BIK: variants seen among roughly 807,000 people sequenced by gnomAD.
BIK encodes the protein BCL2 interacting killer.
A neutral mutation model predicts 12.1 loss-of-function variants in BIK; 14 were observed. That is an observed-to-expected ratio of 1.16 (90% CI 0.77 to 1.81). The LOEUF (loss-of-function observed/expected upper bound fraction) is 1.81, where lower values mean the gene tolerates loss of function less well. Ranked by LOEUF, BIK falls within the 40% of genes most tolerant of loss-of-function variation. The pLI is 0.00. For synonymous variants in BIK, 86 were observed against 92.3 expected, an observed-to-expected ratio of 0.93 and a Z score of 0.39; for missense variants, 215 against 207.9, an observed-to-expected ratio of 1.03 and a Z score of -0.21.
chr22:43,120,168 G>T (rs1391660367), intron 1 of BIK, among the ~76,000 whole-genome samples: 1 of 152,052 alleles, frequency 6.6e-6, no homozygotes, highest in Non-Finnish European at 1.5e-5. Context: ...CAGGGGGAGG[G>T]CCTGTTAGTG....
chr22:43,128,448 C>T (rs1435102755), intron 3 of BIK, 48 bp from the exon 4 acceptor site: 2 of 1,601,576 alleles, frequency 1.2e-6, no homozygotes, highest in South Asian at 1.1e-5. Flanking sequence ...GCTGCCCCTA[C>T]CTGCTCCTGC....
At position 43,126,961 on chromosome 22, in the gene BIK, C is replaced by G. The variant is rs368867723; in HGVS notation, c.162-736C>G. Reference sequence around the variant, plus strand: ...GGTGGGTGGGGCCAGGGCCCAGGGCCGGCCTCAGCTCAGGGCCCCTAGGAG... The same window carrying G: ...GGTGGGTGGGGCCAGGGCCCAGGGCGGGCCTCAGCTCAGGGCCCCTAGGAG... On this transcript the variant is annotated intron_variant, in intron 2 of 4. Coordinates refer to ENST00000216115, the MANE Select transcript of BIK (RefSeq NM_001197.5). Among the ~76,000 whole-genome samples, 17 of 152,238 alleles carry G rather than the reference C, an allele frequency of 1.1e-4. 1 individual carries two copies. Among genetic ancestry groups the G allele is most frequent in the African/African-American group, 4.1e-4 (17 of 41,552 alleles).
At position 43,116,443 on chromosome 22, in the gene BIK, T is replaced by C. The variant is rs1363135083; in HGVS notation, c.-8+5640T>C. ...CAAAAGGCTAAGCTGTGACGTTGGG[T>C]AGGTTACATGTATTAAATGCATTTT... On this transcript the variant is annotated intron_variant, in intron 1 of 4. Transcript: ENST00000216115. 2.0e-5 allele frequency among the ~76,000 whole-genome samples: 3 copies of C among 150,724 alleles called. No individual in the cohort carries two copies. In the Admixed American group the frequency reaches 2.0e-4, roughly 10 times the overall value.
rs188271449 is a variant in BIK at position 43,124,146 on chromosome 22, A to C, written c.124A>C (p.Met42Leu). 1.5e-5 allele frequency: 24 copies of C among 1,614,074 alleles called. No individual in the cohort carries two copies. The African/African-American group carries it at 3.2e-4, about 22-fold the overall frequency. The change falls in exon 2 of 5, where the codon ATG becomes CTG. Residue 42 changes from methionine (M) to leucine (L), a missense_variant. Transcript: ENST00000216115. ...MTDSEEDLDP[M>L]EDFDSLECME... is the part of the protein sequence containing the mutation. The stretch of plus-strand genomic sequence containing the variant: ...TGACTCTGAAGAGGACCTGGACCCT[A>C]TGGAGGACTTCGATTCTTTGGAATG...
intron 2 of BIK, 83 bp downstream of exon 2, chr22:43,124,266 G>C: frequency 6.6e-7 from 1 of 1,506,728 alleles, no homozygotes; most frequent in Non-Finnish European, 9.0e-7. Flanking sequence ...TATGAGCGGG[G>C]GAGCGCCTGC....
intron 1 of BIK, among the ~76,000 whole-genome samples, chr22:43,121,843 C>T (rs762982135): frequency 2.5e-4 from 38 of 152,202 alleles, no homozygotes; most frequent in Admixed American, 4.6e-4. Flanking sequence ...CAGAATCTAG[C>T]TCTGCCTCCC....
chr22:43,127,353 T>A (rs1490401979), intron 2 of BIK, among the ~76,000 whole-genome samples: 1 of 152,028 alleles, frequency 6.6e-6, no homozygotes. Flanking sequence ...CCATTCCCCT[T>A]GGTCAGCCTC....
intron 3 of BIK, 104 bp from the exon 4 acceptor site, chr22:43,128,392 A>C (rs1930364239): frequency 2.1e-6 from 3 of 1,434,048 alleles, no homozygotes; most frequent in Admixed American, 1.8e-5. Context: ...GTGGGAGGGC[A>C]CAGGCCCCTG....
intron 1 of BIK, among the ~76,000 whole-genome samples, chr22:43,121,644 A>G (rs1930221900): frequency 6.6e-6 from 1 of 151,772 alleles, no homozygotes; most frequent in Admixed American, 6.6e-5. Context: ...TTTCGAGGGG[A>G]AGGGAAAGGG....
chr22:43,117,281 C>T (rs1314508786), intron 1 of BIK, among the ~76,000 whole-genome samples: 2 of 151,778 alleles, frequency 1.3e-5, no homozygotes, highest in Admixed American at 1.3e-4. Flanking sequence ...ACTAGCTACA[C>T]ATCAGTGTTT....
At position 43,124,130 on chromosome 22, in the gene BIK, A is replaced by G. The variant is rs1930269290; in HGVS notation, c.108A>G (p.Glu36=). The G allele has an allele frequency of 3.7e-6, 6 of 1,614,188 alleles. No homozygotes were observed. The highest frequency in any genetic ancestry group is 5.1e-6 in the Non-Finnish European group (6 of 1,180,022). The change falls in exon 2 of 5, where the codon GAA becomes GAG. Residue 36 remains glutamate, a synonymous_variant. Transcript: ENST00000216115. ...TMEVLGMTDS[E]EDLDPMEDFD... ...AGGTTCTTGGCATGACTGACTCTGA[A>G]GAGGACCTGGACCCTATGGAGGACT...
intron 1 of BIK, among the ~76,000 whole-genome samples, chr22:43,117,012 C>T (rs935001127): frequency 2.0e-5 from 3 of 152,224 alleles, no homozygotes; most frequent in African/African-American, 7.2e-5. Context: ...TGACTCCCAT[C>T]TTGTCACTAG....
intron 2 of BIK, among the ~76,000 whole-genome samples, chr22:43,124,829 T>G (rs971230145): frequency 1.3e-5 from 2 of 152,100 alleles, no homozygotes; most frequent in Middle Eastern, 6.8e-3. Context: ...GAGGCAGAGG[T>G]TGCAGTGACC....
chr22:43,118,256 G>C (rs1390587167), intron 1 of BIK, among the ~76,000 whole-genome samples: 1 of 152,208 alleles, frequency 6.6e-6, no homozygotes, highest in East Asian at 1.9e-4. Context: ...CAGAAAGGCA[G>C]CAACATGTTC....
At chr22:43,124,317 G>A (rs377362681) in intron 2 of BIK, 134 bp downstream of exon 2, 121 of 1,117,870 alleles carry the variant, frequency 1.1e-4, no homozygotes, top group South Asian at 6.7e-4. Flanking sequence ...AAGATTTCCC[G>A]GATGTGGGCA....
chr22:43,122,274 T>A (rs957957171), intron 1 of BIK, among the ~76,000 whole-genome samples: 1 of 152,102 alleles, frequency 6.6e-6, no homozygotes, highest in African/African-American at 2.4e-5. Context: ...GCATGAGGAA[T>A]TAAAAATTAA....
chr22:43,120,429 C>G (rs1268267265), intron 1 of BIK, among the ~76,000 whole-genome samples: 1 of 152,214 alleles, frequency 6.6e-6, no homozygotes, highest in Non-Finnish European at 1.5e-5. Context: ...CTCAGGTGAT[C>G]CACCTGCCTC....
At position 43,129,426 on chromosome 22, in the gene BIK, G is replaced by GAGAT; in HGVS notation, c.*124_*127dup. 4 of 1,401,914 alleles carry GAGAT rather than the reference G, an allele frequency of 2.9e-6. No homozygotes were observed. The highest frequency in any genetic ancestry group is 3.8e-6 in the Non-Finnish European group (4 of 1,065,354). The allele number at this position is 1,401,914 out of a possible 1,614,324, so 86.8% of individuals were successfully genotyped here. A position where few individuals can be genotyped will look rare whatever the true frequency, so the allele number is the denominator to read the frequency against. On this transcript the variant is annotated 3_prime_UTR_variant, in exon 5 of 5. Coordinates refer to ENST00000216115, the MANE Select transcript of BIK (RefSeq NM_001197.5). The stretch of plus-strand genomic sequence containing the variant: ...TGATGCCTTTTTATATTTAAACCCC[G>GAGAT]AGATAGTGCTGGAACACTGCTGAGG...
chr22:43,127,903 A>T, intron 3 of BIK, 108 bp downstream of exon 3: 1 of 1,034,290 alleles, frequency 9.7e-7, no homozygotes, highest in Non-Finnish European at 1.3e-6. Flanking sequence ...TCTGTGGGGG[A>T]TGTGCCTTGA....
Sources: allele counts gnomAD v4.1 joint callset (sites outside exome capture counted in the v4.1 genomes callset), GRCh38; gene constraint gnomAD v4.1.1; transcripts MANE v1.5; gene names NCBI Gene and HGNC (gene_info 2026-07-23, HGNC 2026-07-21).